HEMK2: variants seen among roughly 807,000 people sequenced by gnomAD.
HEMK2 encodes HemK methyltransferase 2, ETF1 glutamine and histone H4 lysine.
At chr21:28,737,592 T>TTA in the HEMK2 span, among the ~76,000 whole-genome samples, 25 of 147,990 alleles carry the variant, frequency 1.7e-4, no homozygotes, top group South Asian at 2.1e-4. Context: ...CATAGACTGT[T>TTA]AAAAAAAAAA....
chr21:28,788,193 T>C, the HEMK2 span, among the ~76,000 whole-genome samples: 6 of 149,090 alleles, frequency 4.0e-5, no homozygotes, highest in Non-Finnish European at 5.9e-5. Flanking sequence ...CATATATACG[T>C]ATATACGTAT....
chr21:28,750,046 C>T, the HEMK2 span, among the ~76,000 whole-genome samples: 1 of 152,210 alleles, frequency 6.6e-6, no homozygotes, highest in African/African-American at 2.4e-5. Context: ...ACAAGTCACT[C>T]ATCTTGAAGT....
At chr21:28,623,611 A>G in the HEMK2 span, among the ~76,000 whole-genome samples, 3 of 152,360 alleles carry the variant, frequency 2.0e-5, no homozygotes, top group East Asian at 5.8e-4. Flanking sequence ...TGGACTGGAT[A>G]AAGAAAATAT....
At chr21:28,781,201 T>C in the HEMK2 span, among the ~76,000 whole-genome samples, 1 of 152,172 alleles carries the variant, frequency 6.6e-6, no homozygotes, top group Non-Finnish European at 1.5e-5. Context: ...CTAAAAGCAC[T>C]CTTTTATTAT....
At chr21:28,732,031 C>G in the HEMK2 span, among the ~76,000 whole-genome samples, 1 of 152,202 alleles carries the variant, frequency 6.6e-6, no homozygotes, top group Non-Finnish European at 1.5e-5. Flanking sequence ...TTGCTTTGAA[C>G]TTGAGACAAG....
At chr21:28,603,022 C>T in the HEMK2 span, among the ~76,000 whole-genome samples, 1 of 152,216 alleles carries the variant, frequency 6.6e-6, no homozygotes, top group East Asian at 1.9e-4. Flanking sequence ...CACTTGCCTG[C>T]AGCCATCATG....
At chr21:28,705,543 A>G in the HEMK2 span, among the ~76,000 whole-genome samples, 1 of 152,190 alleles carries the variant, frequency 6.6e-6, no homozygotes, top group Non-Finnish European at 1.5e-5. Context: ...AGCCTACACA[A>G]TACTGTACTT....
At chr21:28,885,325 A>G in the HEMK2 span, 1 of 1,583,428 alleles carries the variant, frequency 6.3e-7, no homozygotes, top group Middle Eastern at 1.7e-4. Flanking sequence ...GGAACGGCGT[A>G]GCGAAGTTCT....
the HEMK2 span, among the ~76,000 whole-genome samples, chr21:28,783,506 T>C: frequency 0.2 from 30,397 of 152,256 alleles, 3,359 homozygotes; most frequent in East Asian, 0.41. Flanking sequence ...TTTAGTATTT[T>C]TGTGCATAAA....
the HEMK2 span, among the ~76,000 whole-genome samples, chr21:28,742,484 G>A: frequency 3.3e-5 from 5 of 152,164 alleles, no homozygotes; most frequent in African/African-American, 1.2e-4. Context: ...TTTAACATGG[G>A]GATTCACCAA....
the HEMK2 span, among the ~76,000 whole-genome samples, chr21:28,655,289 G>C: frequency 3.9e-5 from 6 of 152,014 alleles, no homozygotes; most frequent in East Asian, 1.2e-3. Flanking sequence ...GAACAAACTA[G>C]TATAGGGCAA....
the HEMK2 span, among the ~76,000 whole-genome samples, chr21:28,615,800 T>C: frequency 6.6e-6 from 1 of 152,104 alleles, no homozygotes; most frequent in Non-Finnish European, 1.5e-5. Flanking sequence ...ATAATTAGGT[T>C]CAAAATGGAA....
chr21:28,751,066 T>A, the HEMK2 span, among the ~76,000 whole-genome samples: 3 of 151,740 alleles, frequency 2.0e-5, no homozygotes, highest in African/African-American at 7.3e-5. Flanking sequence ...CCCGTCTCTA[T>A]GAAAAATACA....
chr21:28,646,129 C>T, the HEMK2 span, among the ~76,000 whole-genome samples: 1 of 152,116 alleles, frequency 6.6e-6, no homozygotes. Flanking sequence ...TGAGAGAGAA[C>T]ATCTGGCACA....
the HEMK2 span, among the ~76,000 whole-genome samples, chr21:28,701,559 TACACAC>T: frequency 2.4e-3 from 108 of 45,774 alleles, 2 homozygotes; most frequent in Middle Eastern, 0.033. Context: ...CACACACACA[TACACAC>T]ACACACACAC....
At chr21:28,616,189 A>G in the HEMK2 span, among the ~76,000 whole-genome samples, 3 of 152,220 alleles carry the variant, frequency 2.0e-5, no homozygotes, top group African/African-American at 7.2e-5. Flanking sequence ...TAGCTTTAAA[A>G]GATTTTTCAA....
the HEMK2 span, among the ~76,000 whole-genome samples, chr21:28,859,426 A>G: frequency 6.6e-6 from 1 of 152,122 alleles, no homozygotes; most frequent in Non-Finnish European, 1.5e-5. Flanking sequence ...ACCAATTCAG[A>G]TGTCAATAAT....
chr21:28,687,460 C>T, the HEMK2 span, among the ~76,000 whole-genome samples: 1 of 152,130 alleles, frequency 6.6e-6, no homozygotes, highest in African/African-American at 2.4e-5. Context: ...CTGTGATATA[C>T]ATTTTTATAT....
the HEMK2 span, among the ~76,000 whole-genome samples, chr21:28,863,413 TATATATATATATATATATATA>T: frequency 0.023 from 555 of 24,136 alleles, 48 homozygotes; most frequent in East Asian, 0.1. Context: ...CTCCCTTTTA[TATATATATATATATATATATA>T]TATATATATA....
Sources: gnomAD v4.1 joint callset for allele counts (sites outside exome capture counted in the v4.1 genomes callset) on GRCh38, gnomAD v4.1.1 for gene constraint, MANE v1.5 for transcripts, NCBI Gene and HGNC (gene_info 2026-07-23, HGNC 2026-07-21) for gene names.